The following MECOM variants were observed in gnomAD, a reference collection of about 807,000 sequenced individuals.
MECOM encodes histone-lysine N-methyltransferase MECOM.
Under a neutral mutation model 116.3 loss-of-function variants are expected in MECOM, and 13 were observed. The ratio of observed to expected loss-of-function variants is 0.11; its 90% CI spans 0.07 to 0.18. MECOM has a LOEUF of 0.18. Ranked by LOEUF, MECOM falls within the 10% of genes least tolerant of loss-of-function variation. The pLI is 1.00. For synonymous variants in MECOM, 528 were observed against 535.2 expected (o/e 0.99, Z 0.19); for missense variants, 1,299 against 1,509.0 (o/e 0.86, Z 2.31).
chr3:169,644,457 A>G (rs1773902763), intron 1 of MECOM, among the ~76,000 whole-genome samples: 1 of 151,958 alleles, frequency 6.6e-6, no homozygotes, highest in Non-Finnish European at 1.5e-5. Flanking sequence ...GAGTTTTGCC[A>G]TGTTGGCCAG....
chr3:169,484,620 A>G (rs1751874913), intron 1 of MECOM, among the ~76,000 whole-genome samples: 1 of 152,204 alleles, frequency 6.6e-6, no homozygotes, highest in South Asian at 2.1e-4. Context: ...TACACAGTAA[A>G]TTTAGGAGCA....
chr3:169,607,782 A>G (rs5024379), intron 1 of MECOM, among the ~76,000 whole-genome samples: 118,794 of 151,882 alleles, frequency 0.78, 46,738 homozygotes, highest in East Asian at 0.88. Flanking sequence ...TGAGATAAAC[A>G]CTCGTAGAAT....
At chr3:169,121,421 T>A (rs1278180866) in intron 6 of MECOM, among the ~76,000 whole-genome samples, 1 of 152,198 alleles carries the variant, frequency 6.6e-6, no homozygotes, top group African/African-American at 2.4e-5. Context: ...GCATGGTGTA[T>A]CCACTGGTAT....
intron 2 of MECOM, among the ~76,000 whole-genome samples, chr3:169,208,104 C>T (rs1345986038): frequency 6.6e-6 from 1 of 151,890 alleles, no homozygotes; most frequent in Non-Finnish European, 1.5e-5. Context: ...CCTGCTCTCA[C>T]ACAGCTGGCA....
chr3:169,092,545 C>A (rs1346836672), intron 14 of MECOM, among the ~76,000 whole-genome samples: 1 of 151,904 alleles, frequency 6.6e-6, no homozygotes, highest in Non-Finnish European at 1.5e-5. Context: ...AGTGATTCAA[C>A]TGAATCCCTG....
chr3:169,249,945 T>C (rs1756047363), intron 2 of MECOM, among the ~76,000 whole-genome samples: 1 of 152,218 alleles, frequency 6.6e-6, no homozygotes, highest in African/African-American at 2.4e-5. Flanking sequence ...AAGGAAACGT[T>C]GTGAGCAGAC....
At chr3:169,459,266 T>C (rs1747031583) in intron 1 of MECOM, among the ~76,000 whole-genome samples, 1 of 152,212 alleles carries the variant, frequency 6.6e-6, no homozygotes, top group Non-Finnish European at 1.5e-5. Flanking sequence ...TTCTAGGGAT[T>C]GATTTGAAAT....
intron 1 of MECOM, among the ~76,000 whole-genome samples, chr3:169,550,524 C>A (rs981474280): frequency 6.6e-6 from 1 of 152,248 alleles, no homozygotes; most frequent in African/African-American, 2.4e-5. Context: ...ACAAGGAACT[C>A]AAGAGGTGTG....
rs547934966 is a variant in MECOM, at chr3:169,533,325, G to A, written c.37+130011C>T. ...ATTTTTACAACAGTCTCTTCCCTGC[G>A]GGCTCCAGGTCGTGATGGTGGCATT... is the stretch of plus-strand genomic sequence containing the variant. On this transcript the variant is annotated intron_variant, in intron 1 of 16. Coordinates refer to ENST00000651503, the MANE Select transcript of MECOM (RefSeq NM_004991.4). Among the ~76,000 whole-genome samples the A allele has an allele frequency of 3.9e-5, 6 of 152,166 alleles. No homozygotes were observed. The South Asian group carries it at 1.0e-3, about 26-fold the overall frequency.
chr3:169,660,957 A>G (rs943069943), intron 1 of MECOM, among the ~76,000 whole-genome samples: 8 of 152,328 alleles, frequency 5.3e-5, no homozygotes, highest in Middle Eastern at 3.4e-3. Context: ...GTTGAGATCT[A>G]GCTATCAGAA....
chr3:169,491,789 G>T (rs9831087), intron 1 of MECOM, among the ~76,000 whole-genome samples: 1 of 152,034 alleles, frequency 6.6e-6, no homozygotes, highest in African/African-American at 2.4e-5. Context: ...AATCCTTCTA[G>T]TTTCGTGTTT....
chr3:169,482,639 C>T (rs1343162882), intron 1 of MECOM, among the ~76,000 whole-genome samples: 1 of 152,152 alleles, frequency 6.6e-6, no homozygotes, highest in Non-Finnish European at 1.5e-5. Context: ...CGGCAACCCA[C>T]CTTCTAACAA....
At chr3:169,296,323 A>G (rs956084465) in intron 2 of MECOM, among the ~76,000 whole-genome samples, 1 of 152,242 alleles carries the variant, frequency 6.6e-6, no homozygotes, top group African/African-American at 2.4e-5. Flanking sequence ...CTGTGAGAAC[A>G]GAGTGAGTGG....
Position 169,306,378 on chromosome 3 carries a change from A to G in MECOM, c.375+74809T>C, listed in dbSNP as rs142033914. 8.8e-3 allele frequency among the ~76,000 whole-genome samples: 1,341 copies of G among 152,356 alleles called. 11 individuals are homozygous for G. The highest frequency in any genetic ancestry group is 0.027 in the Middle Eastern group (8 of 294). ...CAAGAAATTAGATGACATATAAAATAGAAAGAAGTGGCAGAATCCACAGCT... is the reference window on the plus strand; with the variant it reads ...CAAGAAATTAGATGACATATAAAATGGAAAGAAGTGGCAGAATCCACAGCT... On this transcript the variant is annotated intron_variant, in intron 2 of 16. Transcript: ENST00000651503.
At chr3:169,637,356 G>C (rs1001632693) in intron 1 of MECOM, among the ~76,000 whole-genome samples, 2 of 152,124 alleles carry the variant, frequency 1.3e-5, no homozygotes, top group African/African-American at 4.8e-5. Flanking sequence ...ATAAACTGTT[G>C]TTTCAAGCCA....
intron 12 of MECOM, among the ~76,000 whole-genome samples, chr3:169,098,818 A>G (rs2075397609): frequency 6.6e-6 from 1 of 152,132 alleles, no homozygotes; most frequent in African/African-American, 2.4e-5. Flanking sequence ...ATGAGCCACC[A>G]CACTTGGCCT....
intron 1 of MECOM, among the ~76,000 whole-genome samples, chr3:169,653,423 A>G (rs1369205356): frequency 1.3e-5 from 2 of 152,216 alleles, no homozygotes; most frequent in Non-Finnish European, 1.5e-5. Context: ...AAATGATGAT[A>G]AAGACAATTC....
At chr3:169,149,272 G>T (rs967677724) in intron 2 of MECOM, among the ~76,000 whole-genome samples, 7 of 152,080 alleles carry the variant, frequency 4.6e-5, no homozygotes, top group African/African-American at 1.7e-4. Flanking sequence ...CCCCAACCCT[G>T]CGGCCCCCAC....
chr3:169,496,239 C>T (rs1287822169), intron 1 of MECOM, among the ~76,000 whole-genome samples: 1 of 152,168 alleles, frequency 6.6e-6, no homozygotes, highest in East Asian at 1.9e-4. Context: ...TAGCCAGTTG[C>T]CTCTATAAGC....
Sources: gnomAD v4.1 joint callset for allele counts (sites outside exome capture counted in the v4.1 genomes callset) on GRCh38, gnomAD v4.1.1 for gene constraint, MANE v1.5 for transcripts, NCBI Gene and HGNC (gene_info 2026-07-23, HGNC 2026-07-21) for gene names.